The following AKR1C1 variants were observed in gnomAD, a reference collection of about 807,000 sequenced individuals.
AKR1C1 encodes aldo-keto reductase family 1 member C1.
Under a neutral mutation model 40.6 loss-of-function variants are expected in AKR1C1, and 32 were observed. The observed-to-expected ratio is 0.79, with a 90% CI of 0.60 to 1.06. The LOEUF is 1.06. AKR1C1 is among the 50% of genes least tolerant of loss of function. AKR1C1 has a pLI of 0.00. For missense variants in AKR1C1, 320 were observed against 363.5 expected, an observed-to-expected ratio of 0.88 and a Z score of 0.97; for synonymous variants, 105 against 134.2, an observed-to-expected ratio of 0.78 and a Z score of 1.50.
At chr10:4,964,804 G>A (rs777660831) in intron 1 of AKR1C1, among the ~76,000 whole-genome samples, 10 of 152,122 alleles carry the variant, frequency 6.6e-5, no homozygotes, top group Non-Finnish European at 1.5e-4. Context: ...CTACTATTTA[G>A]TTCTGTCATG....
chr10:4,981,821 TG>T lies in AKR1C1; in HGVS notation c.*4082del, dbSNP rs1288099423. 6.6e-6 allele frequency: 1 copy of T among 152,192 alleles called. No homozygotes were observed. The highest frequency in any genetic ancestry group is 2.4e-5 in the African/African-American group (1 of 41,424). 9.4% of individuals were successfully genotyped at this position (152,192 alleles called of 1,614,324 possible). On this transcript the variant is annotated 3_prime_UTR_variant, in exon 9 of 9. Coordinates refer to ENST00000380872, the MANE Select transcript of AKR1C1 (RefSeq NM_001353.6). ...GCATGGCAGATATGAGCACAGAAGCTGGGTGTCCAGCCTTGTGGGCAGACCG... is the reference window on the plus strand; with the variant it reads ...GCATGGCAGATATGAGCACAGAAGCTGGTGTCCAGCCTTGTGGGCAGACCG...
intron 3 of AKR1C1, chr10:4,967,918 G>A (rs888707059): frequency 5.3e-6 from 1 of 188,056 alleles, no homozygotes; most frequent in Non-Finnish European, 1.1e-5. Context: ...CATATGTTCA[G>A]GGAGATAAAG....
intron 8 of AKR1C1, 83 bp from the exon 9 acceptor site, chr10:4,977,617 G>A: frequency 6.4e-7 from 1 of 1,561,010 alleles, no homozygotes; most frequent in South Asian, 1.2e-5. Context: ...TACACTAGCG[G>A]CAGCTTCCTA....
chr10:4,964,667 T>C (rs1466778868), intron 1 of AKR1C1, among the ~76,000 whole-genome samples: 19 of 152,250 alleles, frequency 1.2e-4, no homozygotes, highest in Non-Finnish European at 2.2e-4. Context: ...TAAATTTCAC[T>C]GCAATCATAT....
At chr10:4,970,907 A>G (rs1294234536) in intron 5 of AKR1C1, among the ~76,000 whole-genome samples, 1 of 151,940 alleles carries the variant, frequency 6.6e-6, no homozygotes, top group Non-Finnish European at 1.5e-5. Context: ...ACATGTATAC[A>G]TATGTAACTA....
chr10:4,968,718 C>A, intron 4 of AKR1C1, 104 bp from the exon 5 acceptor site: 5 of 1,554,916 alleles, frequency 3.2e-6, no homozygotes, highest in South Asian at 1.2e-5. Flanking sequence ...CTTTTAAGAA[C>A]CACGGCTAGC....
chr10:4,974,988 C>A (rs1401649566), intron 7 of AKR1C1, among the ~76,000 whole-genome samples: 1 of 151,954 alleles, frequency 6.6e-6, no homozygotes, highest in Non-Finnish European at 1.5e-5. Context: ...GTGGAGAGAA[C>A]TAAATGTTTG....
intron 3 of AKR1C1, chr10:4,967,277 A>C: frequency 9.2e-7 from 1 of 1,089,256 alleles, no homozygotes; most frequent in Non-Finnish European, 1.2e-6. Flanking sequence ...TCTGCCTCAA[A>C]AACTTGAGGA....
chr10:4,982,912 G>C lies in AKR1C1; in HGVS notation c.*5170G>C. The C allele has an allele frequency of 2.2e-6, 1 of 446,926 alleles. No individual in the cohort carries two copies. Among genetic ancestry groups the C allele is most frequent in the South Asian group, 1.6e-5 (1 of 63,140 alleles). 27.7% of individuals were successfully genotyped at this position (446,926 alleles called of 1,614,324 possible). On this transcript the variant is annotated 3_prime_UTR_variant, in exon 9 of 9. Transcript: ENST00000380872. ...CCAGTCAGAGGTCTTGAGTCGGTCC[G>C]CATGACAAGTTCACCGCTCGCATAA...
rs370027719 is a variant in AKR1C1, at chr10:4,972,601, C to T, written c.698C>T (p.Pro233Leu). The T allele has an allele frequency of 2.9e-5, 46 of 1,613,672 alleles. No homozygotes were observed. The highest frequency in any genetic ancestry group is 3.6e-5 in the Non-Finnish European group (42 of 1,179,960). Residue 233 changes from proline (P) to leucine (L), a missense_variant, in exon 7 of 9, where the codon CCG (proline) becomes CTG (leucine). This residue lies in a region of AKR1C1 where 77 missense variants were observed against 125.3 expected (regional missense o/e 0.61). Coordinates refer to ENST00000380872, the MANE Select transcript of AKR1C1 (RefSeq NM_001353.6). ...REEPWVDPNS[P>L]VLLEDPVLCA... ...CCTTCCAGGGTGGACCCGAACTCCC[C>T]GGTGCTCTTGGAGGACCCAGTCCTT...
intron 5 of AKR1C1, among the ~76,000 whole-genome samples, chr10:4,971,057 A>C (rs1305198791): frequency 6.6e-6 from 1 of 152,044 alleles, no homozygotes; most frequent in Non-Finnish European, 1.5e-5. Flanking sequence ...GCTGGGGGAT[A>C]ATTCTCAACA....
chr10:4,966,373 T>G (rs1483929375), intron 2 of AKR1C1, among the ~76,000 whole-genome samples: 2 of 152,224 alleles, frequency 1.3e-5, no homozygotes, highest in Non-Finnish European at 2.9e-5. Context: ...TCATATTATA[T>G]TATTTCTTAC....
intron 1 of AKR1C1, chr10:4,963,769 G>A (rs1284258938): frequency 5.3e-6 from 4 of 753,824 alleles, no homozygotes; most frequent in South Asian, 2.8e-5. Flanking sequence ...GAAAGAACAC[G>A]GCTTGCCTGC....
Position 4,980,919 on chromosome 10 carries a change from T to C in AKR1C1, c.*3177T>C, listed in dbSNP as rs545114925. 2 of 152,338 alleles carry C rather than the reference T, an allele frequency of 1.3e-5. No homozygotes were observed. The highest frequency in any genetic ancestry group is 2.4e-5 in the African/African-American group (1 of 41,582). 9.4% of individuals were successfully genotyped at this position (152,338 alleles called of 1,614,324 possible). A position where few individuals can be genotyped will look rare whatever the true frequency, so the allele number is the denominator to read the frequency against. On this transcript the variant is annotated 3_prime_UTR_variant, in exon 9 of 9. Transcript: ENST00000380872. Reference sequence around the variant, plus strand: ...CCCAGGTTCTTCAGACAAGTCACCATGGTAGCTGTAGACTTATGAAATGTA... The same window carrying C: ...CCCAGGTTCTTCAGACAAGTCACCACGGTAGCTGTAGACTTATGAAATGTA...
intron 5 of AKR1C1, chr10:4,969,679 G>C (rs1836393514): frequency 1.9e-6 from 3 of 1,611,324 alleles, no homozygotes; most frequent in African/African-American, 2.7e-5. Context: ...TTGTAGCCTA[G>C]AGATAATTCC....
rs142084692 is a variant in AKR1C1 at position 4,972,311 on chromosome 10, G to C, written c.680+1G>C. The C allele has an allele frequency of 7.4e-5, 119 of 1,612,574 alleles. No individual in the cohort carries two copies. The highest frequency in any genetic ancestry group is 9.9e-5 in the Non-Finnish European group (117 of 1,179,770). On this transcript the variant is annotated splice_donor_variant, in intron 6 of 8. Coordinates refer to ENST00000380872, the MANE Select transcript of AKR1C1 (RefSeq NM_001353.6). LOFTEE classifies it high-confidence loss of function. ...TGGGATCCCACCGAGAAGAACCATG[G>C]TAATAAGAGATACAGGAAGTTTACC...
At position 4,970,169 on chromosome 10, in the gene AKR1C1, A is replaced by C. The variant is rs1836400342; in HGVS notation, c.570+1225A>C. Among the ~76,000 whole-genome samples, 7 of 152,288 alleles carry C rather than the reference A, an allele frequency of 4.6e-5. No homozygotes were observed. The South Asian group carries it at 1.5e-3, about 32-fold the overall frequency. ...ACAATTGACCCCTAGAGACCTCTCA[A>C]AGCATGTCACAGGAATGAAGATATT... On this transcript the variant is annotated intron_variant, in intron 5 of 8. Coordinates refer to ENST00000380872, the MANE Select transcript of AKR1C1 (RefSeq NM_001353.6).
intron 5 of AKR1C1, 52 bp from the exon 6 acceptor site, chr10:4,972,149 A>G: frequency 6.2e-7 from 1 of 1,610,676 alleles, no homozygotes; most frequent in Admixed American, 1.7e-5. Context: ...TGATTTTAAT[A>G]TTAGTGTAAC....
intron 3 of AKR1C1, 134 bp from the exon 4 acceptor site, chr10:4,968,175 C>T (rs12250190): frequency 0.3 from 294,330 of 973,066 alleles, 74,736 homozygotes; most frequent in African/African-American, 0.49. Flanking sequence ...GTAGTACACT[C>T]TGTACATACC....
Sources: allele counts gnomAD v4.1 joint callset (sites outside exome capture counted in the v4.1 genomes callset), GRCh38; gene constraint gnomAD v4.1.1; regional missense constraint gnomAD v4.1.1; transcripts MANE v1.5; gene names NCBI Gene and HGNC (gene_info 2026-07-23, HGNC 2026-07-21).